The following WDR7 variants were observed in gnomAD, a reference collection of about 807,000 sequenced individuals.
The protein encoded by WDR7 is WD repeat-containing protein 7.
Under a neutral mutation model 169.4 loss-of-function variants are expected in WDR7, and 46 were observed. That is an observed-to-expected ratio of 0.27 (90% CI 0.21 to 0.35). The LOEUF (loss-of-function observed/expected upper bound fraction) is 0.35. Ranked by LOEUF, WDR7 falls within the 10% of genes least tolerant of loss-of-function variation. The pLI, the probability that WDR7 is intolerant of heterozygous loss-of-function variation, is 1.00. For missense variants in WDR7, 1,534 were observed against 1,859.3 expected (o/e 0.83, Z 3.22); for synonymous variants, 612 against 666.8 (o/e 0.92, Z 1.27).
At chr18:56,868,150 C>T (rs796435662) in intron 20 of WDR7, among the ~76,000 whole-genome samples, 23 of 152,092 alleles carry the variant, frequency 1.5e-4, no homozygotes, top group African/African-American at 5.3e-4. Flanking sequence ...GAAAAAATAA[C>T]GTAAAATAAG....
intron 19 of WDR7, among the ~76,000 whole-genome samples, chr18:56,793,431 T>C (rs1190637644): frequency 1.3e-5 from 2 of 152,198 alleles, no homozygotes; most frequent in Non-Finnish European, 2.9e-5. Context: ...TTAATTTGGT[T>C]TCTTCTCTTT....
At chr18:56,877,830 G>A (rs1164575240) in intron 20 of WDR7, among the ~76,000 whole-genome samples, 1 of 152,038 alleles carries the variant, frequency 6.6e-6, no homozygotes, top group East Asian at 1.9e-4. Context: ...AGGGCAGGAG[G>A]GCAAGGCAGT....
intron 25 of WDR7, among the ~76,000 whole-genome samples, chr18:56,945,326 A>G (rs1489063381): frequency 6.6e-6 from 1 of 152,206 alleles, no homozygotes; most frequent in Non-Finnish European, 1.5e-5. Flanking sequence ...CAACTCTTCT[A>G]TTATGCAATT....
intron 2 of WDR7, among the ~76,000 whole-genome samples, chr18:56,676,127 A>G (rs2025239065): frequency 6.6e-6 from 1 of 152,020 alleles, no homozygotes; most frequent in African/African-American, 2.4e-5. Context: ...TTATATAGTG[A>G]CTTTCTCTGT....
At chr18:56,682,879 C>G in intron 5 of WDR7, 26 bp downstream of exon 5, 1 of 1,596,460 alleles carries the variant, frequency 6.3e-7, no homozygotes. Context: ...CTGTTAGGAG[C>G]TTTAGCACCA....
At chr18:56,744,572 A>G (rs898160483) in intron 14 of WDR7, among the ~76,000 whole-genome samples, 3 of 152,186 alleles carry the variant, frequency 2.0e-5, no homozygotes. Flanking sequence ...TTGGACAGGC[A>G]GGGAAGGGGA....
intron 26 of WDR7, among the ~76,000 whole-genome samples, chr18:56,979,666 A>G: frequency 6.6e-6 from 1 of 152,214 alleles, no homozygotes; most frequent in Non-Finnish European, 1.5e-5. Flanking sequence ...TGCAGTATCC[A>G]TCAAATAATT....
intron 1 of WDR7, among the ~76,000 whole-genome samples, chr18:56,666,647 A>G (rs1052266169): frequency 7.9e-5 from 12 of 152,208 alleles, no homozygotes; most frequent in African/African-American, 2.4e-4. Flanking sequence ...CAAAATCTTG[A>G]TTAACCAGAA....
chr18:56,683,264 G>A (rs1389935476), intron 5 of WDR7, among the ~76,000 whole-genome samples: 7 of 152,146 alleles, frequency 4.6e-5, no homozygotes, highest in Non-Finnish European at 2.9e-5. Flanking sequence ...AAAAAGGAGA[G>A]ATTATACACA....
chr18:56,756,864 C>G lies in WDR7; in HGVS notation c.2271C>G (p.His757Gln), dbSNP rs759562302. The change falls in exon 15 of 28, where the codon CAC becomes CAG. Residue 757 changes from histidine to glutamine, a missense_variant. Physicochemically the swap from His to Gln is conservative, Grantham distance 24 (BLOSUM62 0). Transcript: ENST00000254442. The part of the protein sequence containing the change: ...KETIKENIKE[H>Q]LLDDEEEDEE... ...CGATCAAAGAGAACATCAAGGAACA[C>G]CTCCTTGATGATGAAGAGGAGGATG... 6.2e-7 allele frequency: 1 copy of G among 1,613,996 alleles called. No homozygotes were observed. Among genetic ancestry groups the G allele is most frequent in the Non-Finnish European group, 8.5e-7 (1 of 1,179,992 alleles).
intron 20 of WDR7, among the ~76,000 whole-genome samples, chr18:56,827,579 G>C (rs182903933): frequency 2.4e-4 from 37 of 152,208 alleles, no homozygotes; most frequent in African/African-American, 7.7e-4. Context: ...TGGGGGTTGG[G>C]GGAGGGGTGG....
chr18:56,829,866 G>A (rs936008023), intron 20 of WDR7, among the ~76,000 whole-genome samples: 5 of 152,268 alleles, frequency 3.3e-5, no homozygotes, highest in South Asian at 2.1e-4. Context: ...TTGTGTTTAT[G>A]TAAAGGAGAA....
chr18:56,736,030 G>A (rs190954721), intron 14 of WDR7, among the ~76,000 whole-genome samples: 76 of 152,266 alleles, frequency 5.0e-4, no homozygotes, highest in African/African-American at 1.8e-3. Flanking sequence ...AAGAGCCTGG[G>A]TTCTGGTGAC....
intron 22 of WDR7, among the ~76,000 whole-genome samples, chr18:56,929,620 A>T (rs1318753350): frequency 1.3e-5 from 2 of 152,164 alleles, no homozygotes; most frequent in Non-Finnish European, 2.9e-5. Context: ...CCCATCTTGC[A>T]GCTCCTGTAC....
intron 21 of WDR7, among the ~76,000 whole-genome samples, chr18:56,896,609 A>T (rs2046335472): frequency 6.6e-6 from 1 of 151,886 alleles, no homozygotes; most frequent in Non-Finnish European, 1.5e-5. Flanking sequence ...TTTTTAAATA[A>T]ATGGTATATA....
chr18:56,698,041 A>G (rs2025741812), intron 12 of WDR7, among the ~76,000 whole-genome samples: 1 of 152,004 alleles, frequency 6.6e-6, no homozygotes, highest in South Asian at 2.1e-4. Context: ...TAAAATTACA[A>G]AAAATTTGCC....
At chr18:56,679,752 C>T (rs547816919) in intron 3 of WDR7, among the ~76,000 whole-genome samples, 1 of 152,230 alleles carries the variant, frequency 6.6e-6, no homozygotes, top group Admixed American at 6.5e-5. Flanking sequence ...TGCCAGACAA[C>T]TTTGAGATTT....
chr18:56,823,447 G>T (rs536875563), intron 20 of WDR7, among the ~76,000 whole-genome samples: 1 of 152,142 alleles, frequency 6.6e-6, no homozygotes, highest in African/African-American at 2.4e-5. Context: ...TGTATTCATA[G>T]TGGTGGCAGG....
At chr18:56,726,719 G>A (rs139501459) in intron 13 of WDR7, among the ~76,000 whole-genome samples, 157 of 152,142 alleles carry the variant, frequency 1.0e-3, no homozygotes, top group African/African-American at 3.8e-3. Context: ...GCCTTGTCAG[G>A]TAGGGCTGGA....
Sources: gnomAD v4.1 joint callset for allele counts (sites outside exome capture counted in the v4.1 genomes callset) on GRCh38, gnomAD v4.1.1 for gene constraint, MANE v1.5 for transcripts, NCBI Gene and HGNC (gene_info 2026-07-23, HGNC 2026-07-21) for gene names.